TTLL5: variants seen among roughly 807,000 people sequenced by gnomAD.
TTLL5 encodes tubulin polyglutamylase TTLL5.
TTLL5 carries 132 observed loss-of-function variants against 168.4 expected under a neutral mutation model. The ratio of observed to expected loss-of-function variants is 0.78; its 90% CI spans 0.68 to 0.91. The LOEUF is 0.91. TTLL5 is among the 40% of genes least tolerant of loss of function. TTLL5 has a pLI of 0.00. For missense variants in TTLL5, 1,545 were observed against 1,581.5 expected, an observed-to-expected ratio of 0.98 and a Z score of 0.39; for synonymous variants, 546 against 558.6, an observed-to-expected ratio of 0.98 and a Z score of 0.32.
chr14:75,737,757 A>G (rs997945727), intron 15 of TTLL5: 23 of 800,044 alleles, frequency 2.9e-5, no homozygotes, highest in Non-Finnish European at 3.9e-5. Flanking sequence ...ATGAATGCAT[A>G]GAAGTCTTTT....
intron 12 of TTLL5, among the ~76,000 whole-genome samples, chr14:75,725,520 T>C (rs969670624): frequency 6.6e-6 from 1 of 152,226 alleles, no homozygotes; most frequent in African/African-American, 2.4e-5. Flanking sequence ...CTGTGTTTTA[T>C]AGACATGGAA....
intron 29 of TTLL5, among the ~76,000 whole-genome samples, chr14:75,877,140 G>A (rs756129957): frequency 6.6e-6 from 1 of 152,148 alleles, no homozygotes; most frequent in African/African-American, 2.4e-5. Flanking sequence ...ATAGAGAGTA[G>A]CGTTTGCCTA....
intron 31 of TTLL5, among the ~76,000 whole-genome samples, chr14:75,911,715 T>C (rs1434506922): frequency 6.6e-6 from 1 of 152,232 alleles, no homozygotes; most frequent in Admixed American, 6.5e-5. Context: ...CTTCAAATTA[T>C]ATTAGGCAAT....
At chr14:75,837,126 A>T (rs776925000) in intron 28 of TTLL5, 37 of 152,326 alleles carry the variant, frequency 2.4e-4, no homozygotes, top group Non-Finnish European at 4.3e-4. Flanking sequence ...GTGTCAGCCA[A>T]GAGGGTTGCA....
chr14:75,917,889 G>A (rs1326434179), intron 31 of TTLL5, among the ~76,000 whole-genome samples: 1 of 152,178 alleles, frequency 6.6e-6, no homozygotes, highest in South Asian at 2.1e-4. Flanking sequence ...CAGAAACTCC[G>A]AGAAATCAGT....
intron 17 of TTLL5, 90 bp from the exon 18 acceptor site, chr14:75,752,803 G>A: frequency 8.0e-7 from 1 of 1,247,500 alleles, no homozygotes; most frequent in Non-Finnish European, 1.2e-6. Context: ...AAGTACCCCT[G>A]TTATTTCTGT....
intron 28 of TTLL5, among the ~76,000 whole-genome samples, chr14:75,843,857 A>ATTTTATTTTG (rs138461464): frequency 0.18 from 17,416 of 98,276 alleles, 1,916 homozygotes; most frequent in East Asian, 0.46. Flanking sequence ...TATTTATTTT[A>ATTTTATTTTG]TTTTGTTTTG....
chr14:75,817,806 C>CCATTCTTT (rs1894525305), intron 27 of TTLL5, among the ~76,000 whole-genome samples: 2 of 148,978 alleles, frequency 1.3e-5, no homozygotes, highest in African/African-American at 2.5e-5. Context: ...CTTCTCACAA[C>CCATTCTTT]CATTCTTTCT....
chr14:75,673,947 G>A (rs1167063951), intron 3 of TTLL5, among the ~76,000 whole-genome samples: 1 of 152,134 alleles, frequency 6.6e-6, no homozygotes, highest in Non-Finnish European at 1.5e-5. Context: ...GAGCCAAAAT[G>A]TTAAAGGTGG....
intron 21 of TTLL5, among the ~76,000 whole-genome samples, chr14:75,774,459 T>C (rs918533414): frequency 6.6e-6 from 1 of 152,228 alleles, no homozygotes; most frequent in African/African-American, 2.4e-5. Flanking sequence ...ATCACGACAC[T>C]TTTAAAGTCA....
chr14:75,797,772 T>G (rs913281525), intron 27 of TTLL5, among the ~76,000 whole-genome samples: 1 of 152,178 alleles, frequency 6.6e-6, no homozygotes. Flanking sequence ...ACTCACTTGA[T>G]GAAGGTGGAT....
At chr14:75,771,913 T>A (rs1488370847) in intron 21 of TTLL5, 59 bp downstream of exon 21, 776 of 236,844 alleles carry the variant, frequency 3.3e-3, no homozygotes, top group Admixed American at 6.7e-3. Flanking sequence ...CTTTCTGTAT[T>A]TTTTTTTTTT....
At chr14:75,849,788 G>A (rs1896748496) in intron 28 of TTLL5, among the ~76,000 whole-genome samples, 1 of 152,148 alleles carries the variant, frequency 6.6e-6, no homozygotes, top group African/African-American at 2.4e-5. Flanking sequence ...TGTGAATGTG[G>A]TAATACTGTC....
At chr14:75,841,202 G>A (rs930234371) in intron 28 of TTLL5, among the ~76,000 whole-genome samples, 1 of 152,086 alleles carries the variant, frequency 6.6e-6, no homozygotes, top group Non-Finnish European at 1.5e-5. Context: ...GATTTGGAGG[G>A]GACAAACAGC....
At chr14:75,718,023 G>T in intron 10 of TTLL5, 61 bp downstream of exon 10, 1 of 1,487,564 alleles carries the variant, frequency 6.7e-7, no homozygotes, top group Non-Finnish European at 9.3e-7. Flanking sequence ...GTGTTGTAGA[G>T]GTGGAAAGGT....
At chr14:75,845,596 T>G (rs1410825988) in intron 28 of TTLL5, among the ~76,000 whole-genome samples, 2 of 152,234 alleles carry the variant, frequency 1.3e-5, no homozygotes, top group African/African-American at 4.8e-5. Flanking sequence ...CCACATTTAC[T>G]GAGCGCCTGG....
intron 30 of TTLL5, among the ~76,000 whole-genome samples, chr14:75,899,105 G>A (rs1347234980): frequency 6.6e-6 from 1 of 152,176 alleles, no homozygotes; most frequent in Non-Finnish European, 1.5e-5. Flanking sequence ...AATAGTTCAT[G>A]TATATTTAGT....
Position 75,699,201 on chromosome 14 carries a change from G to T in TTLL5, c.516G>T (p.Lys172Asn), listed in dbSNP as rs749162881. 1 of 1,613,720 alleles carries T rather than the reference G, an allele frequency of 6.2e-7. No individual in the cohort carries two copies. The highest frequency in any genetic ancestry group is 1.1e-5 in the South Asian group (1 of 91,058). Residue 172 changes from lysine to asparagine, a missense_variant, in exon 7 of 32, where the codon AAG becomes AAT. Transcript: ENST00000298832. ...TATTTTGAGCAGATTCATATTCGAA[G>T]GACCGGGGACCTTGGATAGTAAAAC... ...EYAEFCNSYS[K>N]DRGPWIVKPV... is the part of the protein sequence containing the mutation.
chr14:75,866,065 A>G (rs948274088), intron 29 of TTLL5, among the ~76,000 whole-genome samples: 1 of 152,264 alleles, frequency 6.6e-6, no homozygotes, highest in African/African-American at 2.4e-5. Flanking sequence ...ACTAAATTCC[A>G]TTAGCTTCAA....
Sources: gnomAD v4.1 joint callset for allele counts (sites outside exome capture counted in the v4.1 genomes callset) on GRCh38, gnomAD v4.1.1 for gene constraint, MANE v1.5 for transcripts, NCBI Gene and HGNC (gene_info 2026-07-23, HGNC 2026-07-21) for gene names.